CABCOCO1: variants seen among roughly 807,000 people sequenced by gnomAD.
CABCOCO1 encodes ciliary-associated calcium-binding coiled-coil protein 1.
In CABCOCO1, 28 loss-of-function variants were observed where a neutral mutation model predicts 35.7. The observed-to-expected ratio is 0.78, with a 90% confidence interval of 0.58 to 1.07. CABCOCO1 has a LOEUF of 1.07. CABCOCO1 is among the 50% of genes least tolerant of loss of function. The probability of loss-of-function intolerance (pLI) is 0.00; values close to 1 mark genes in which losing one functional copy is unlikely to be tolerated. For synonymous variants in CABCOCO1, 95 were observed against 100.1 expected, an observed-to-expected ratio of 0.95 and a Z score of 0.30; for missense variants, 326 against 309.2, an observed-to-expected ratio of 1.05 and a Z score of -0.41.
intron 5 of CABCOCO1, among the ~76,000 whole-genome samples, chr10:61,699,653 G>GA (rs201638348): frequency 0.014 from 2,035 of 146,954 alleles, 30 homozygotes; most frequent in African/African-American, 0.042. Flanking sequence ...TTTTCTTACA[G>GA]AAAAAAAAAA....
intron 2 of CABCOCO1, among the ~76,000 whole-genome samples, 158 bp from the exon 3 acceptor site, chr10:61,680,981 CTGTT>C (rs1839773625): frequency 6.6e-6 from 1 of 151,392 alleles, no homozygotes; most frequent in Non-Finnish European, 1.5e-5. Flanking sequence ...CTCTCTCTCT[CTGTT>C]TCTTTTTTGA....
chr10:61,681,771 A>G (rs61850468), intron 3 of CABCOCO1, among the ~76,000 whole-genome samples: 1,914 of 152,284 alleles, frequency 0.013, 15 homozygotes, highest in Middle Eastern at 0.037. Context: ...AGCAAGGTGC[A>G]GAACTACATG....
Position 61,766,213 on chromosome 10 carries a change from A to G in CABCOCO1, c.*200A>G, listed in dbSNP as rs911260751. On this transcript the variant is annotated 3_prime_UTR_variant, in exon 8 of 8. Coordinates refer to ENST00000648843, the MANE Select transcript of CABCOCO1 (RefSeq NM_001366906.2). Reference sequence around the variant, plus strand: ...CCATCCCATAACAGCCTCTGAATTTATTGCACCAAGTGTAATGAGAACATT... The same window carrying G: ...CCATCCCATAACAGCCTCTGAATTTGTTGCACCAAGTGTAATGAGAACATT... The G allele has an allele frequency of 1.1e-5, 5 of 457,062 alleles. No individual in the cohort carries two copies. The highest frequency in any genetic ancestry group is 7.1e-5 in the Admixed American group (2 of 28,166). 28.3% of individuals were successfully genotyped at this position (457,062 alleles called of 1,614,324 possible).
chr10:61,725,476 A>G (rs1225069214), intron 5 of CABCOCO1, among the ~76,000 whole-genome samples: 2 of 152,142 alleles, frequency 1.3e-5, no homozygotes, highest in Admixed American at 6.5e-5. Context: ...GGATGAAGCT[A>G]GAAACCATCA....
At chr10:61,694,102 G>A (rs1655198247) in intron 5 of CABCOCO1, among the ~76,000 whole-genome samples, 1 of 151,484 alleles carries the variant, frequency 6.6e-6, no homozygotes, top group Admixed American at 6.6e-5. Flanking sequence ...GGGACTTCGA[G>A]GATTTGATTA....
rs1438281716 is a variant in CABCOCO1, at chr10:61,738,047, T to C, written c.553-22012T>C. 2.7e-5 allele frequency among the ~76,000 whole-genome samples: 4 copies of C among 145,524 alleles called. No individual in the cohort carries two copies. In the East Asian group the frequency reaches 5.8e-4, roughly 21 times the overall value. On this transcript the variant is annotated intron_variant, in intron 5 of 7. Coordinates refer to ENST00000648843, the MANE Select transcript of CABCOCO1 (RefSeq NM_001366906.2). ...ATACAAAAAAACAATAAATAAAATA[T>C]CTTATTTAAAAAAAAAAAAAACAAA...
intron 5 of CABCOCO1, among the ~76,000 whole-genome samples, chr10:61,699,427 T>TCACC (rs1163651698): frequency 6.6e-6 from 1 of 152,136 alleles, no homozygotes; most frequent in Non-Finnish European, 1.5e-5. Flanking sequence ...CTTGAGACTG[T>TCACC]CACCCAAGTC....
chr10:61,694,061 AC>A (rs1840229076), intron 5 of CABCOCO1, among the ~76,000 whole-genome samples: 1 of 151,804 alleles, frequency 6.6e-6, no homozygotes. Flanking sequence ...AATTTCTGGA[AC>A]TTGTTAGTGT....
At chr10:61,674,818 C>T (rs1219024147) in intron 2 of CABCOCO1, among the ~76,000 whole-genome samples, 2 of 152,148 alleles carry the variant, frequency 1.3e-5, no homozygotes, top group Non-Finnish European at 2.9e-5. Flanking sequence ...CTCATGATCA[C>T]TTAGCTGCTA....
intron 5 of CABCOCO1, among the ~76,000 whole-genome samples, chr10:61,713,302 CTGTT>C (rs1240455099): frequency 2.0e-5 from 3 of 152,122 alleles, no homozygotes; most frequent in African/African-American, 4.8e-5. Context: ...ATTTGGCTCT[CTGTT>C]TGTCTGTTAT....
intron 5 of CABCOCO1, among the ~76,000 whole-genome samples, chr10:61,700,487 G>A (rs577516153): frequency 4.6e-4 from 70 of 152,056 alleles, no homozygotes; most frequent in African/African-American, 1.6e-3. Context: ...TCAAATTCTC[G>A]AAAATTAAAA....
At chr10:61,702,228 G>T (rs1840477194) in intron 5 of CABCOCO1, among the ~76,000 whole-genome samples, 1 of 152,174 alleles carries the variant, frequency 6.6e-6, no homozygotes, top group Non-Finnish European at 1.5e-5. Flanking sequence ...TGAACTAGAT[G>T]ATCTATGAGT....
At chr10:61,693,224 A>T (rs1270808685) in intron 5 of CABCOCO1, among the ~76,000 whole-genome samples, 1 of 152,132 alleles carries the variant, frequency 6.6e-6, no homozygotes, top group Admixed American at 6.6e-5. Flanking sequence ...ATGGCATTTT[A>T]AAGGATTAGT....
At chr10:61,735,847 C>T (rs1217874436) in intron 5 of CABCOCO1, among the ~76,000 whole-genome samples, 1 of 152,052 alleles carries the variant, frequency 6.6e-6, no homozygotes, top group Non-Finnish European at 1.5e-5. Context: ...GTTCAGAACC[C>T]CGACCATGTA....
intron 7 of CABCOCO1, among the ~76,000 whole-genome samples, chr10:61,764,618 A>G (rs1842071087): frequency 6.6e-6 from 1 of 152,038 alleles, no homozygotes; most frequent in Admixed American, 6.6e-5. Context: ...TCATGCATAG[A>G]TGATGATTTC....
rs576447584 is a variant in CABCOCO1, at chr10:61,669,601, T to C, written c.61-3031T>C. ...AAAAAGCAGTCTGGTTTAAAATAGG[T>C]CCAGGAATATAATTTAAAACAGAAG... On this transcript the variant is annotated intron_variant, in intron 1 of 7. Coordinates refer to ENST00000648843, the MANE Select transcript of CABCOCO1 (RefSeq NM_001366906.2). Among the ~76,000 whole-genome samples the C allele has an allele frequency of 3.3e-5, 5 of 152,106 alleles. No homozygotes were observed. In the South Asian group the frequency reaches 8.3e-4, roughly 25 times the overall value.
chr10:61,714,441 T>C (rs1026863448), intron 5 of CABCOCO1, among the ~76,000 whole-genome samples: 17 of 151,446 alleles, frequency 1.1e-4, no homozygotes, highest in African/African-American at 2.9e-4. Flanking sequence ...ATCAATTTTG[T>C]TGATCTTTTC....
chr10:61,673,865 C>T (rs187662563), intron 2 of CABCOCO1, among the ~76,000 whole-genome samples: 28 of 152,168 alleles, frequency 1.8e-4, no homozygotes, highest in Non-Finnish European at 2.6e-4. Context: ...AATTAAGGTT[C>T]GTTAGGAATT....
At chr10:61,738,660 G>C (rs1347022891) in intron 5 of CABCOCO1, among the ~76,000 whole-genome samples, 1 of 151,940 alleles carries the variant, frequency 6.6e-6, no homozygotes, top group African/African-American at 2.4e-5. Context: ...TCTTATAATT[G>C]TAACTAAATA....
Sources: allele counts gnomAD v4.1 joint callset (sites outside exome capture counted in the v4.1 genomes callset), GRCh38; gene constraint gnomAD v4.1.1; transcripts MANE v1.5; gene names NCBI Gene and HGNC (gene_info 2026-07-23, HGNC 2026-07-21).